MARCHF11: variants seen among roughly 807,000 people sequenced by gnomAD.
MARCHF11 encodes the protein membrane associated ring-CH-type finger 11.
Under a neutral mutation model 37.3 loss-of-function variants are expected in MARCHF11, and 29 were observed. That is an observed-to-expected ratio of 0.78 (90% CI 0.58 to 1.06). MARCHF11 has a LOEUF of 1.06. MARCHF11 is among the 50% of genes least tolerant of loss of function. The pLI is 0.00. For synonymous variants in MARCHF11, 233 were observed against 228.0 expected (o/e 1.02, Z -0.20); for missense variants, 482 against 533.4 (o/e 0.90, Z 0.95).
intron 2 of MARCHF11, among the ~76,000 whole-genome samples, chr5:16,113,134 A>G (rs753895307): frequency 1.3e-5 from 2 of 152,194 alleles, no homozygotes; most frequent in Admixed American, 1.3e-4. Context: ...CAAGAAATGC[A>G]TGATATATTC....
intron 3 of MARCHF11, among the ~76,000 whole-genome samples, chr5:16,083,522 G>A (rs1414389440): frequency 6.6e-6 from 1 of 152,110 alleles, no homozygotes; most frequent in Non-Finnish European, 1.5e-5. Context: ...GAACCTGTGT[G>A]GCAATGAACT....
chr5:16,114,671 T>TA (rs1308999542), intron 2 of MARCHF11, among the ~76,000 whole-genome samples: 1 of 151,786 alleles, frequency 6.6e-6, no homozygotes, highest in East Asian at 1.9e-4. Context: ...TTTTTTTTTT[T>TA]AAGAGATGAG....
intron 2 of MARCHF11, among the ~76,000 whole-genome samples, chr5:16,119,255 C>T (rs756636619): frequency 1.3e-5 from 2 of 151,634 alleles, no homozygotes; most frequent in Admixed American, 6.6e-5. Flanking sequence ...TGCACCTGCT[C>T]GGGAGGCTGA....
chr5:16,156,166 A>G (rs1737975260), intron 2 of MARCHF11, among the ~76,000 whole-genome samples: 1 of 151,918 alleles, frequency 6.6e-6, no homozygotes, highest in Admixed American at 6.6e-5. Flanking sequence ...TAAACTTAAT[A>G]ACTCTATAAT....
At chr5:16,083,286 A>G (rs1736643275) in intron 3 of MARCHF11, among the ~76,000 whole-genome samples, 2 of 152,164 alleles carry the variant, frequency 1.3e-5, no homozygotes, top group Admixed American at 1.3e-4. Context: ...GGAGACCAGG[A>G]AAGAGCTTAG....
At position 16,177,894 on chromosome 5, in the gene MARCHF11, C is replaced by A; in HGVS notation, c.538-13G>T. The A allele has an allele frequency of 6.2e-7, 1 of 1,601,274 alleles. No individual in the cohort carries two copies. The highest frequency in any genetic ancestry group is 8.5e-7 in the Non-Finnish European group (1 of 1,174,950). ...TCAACAACTCACCCTAAAAAGAAAA[C>A]AGCTCAGTGTGAATATCTGTGTCTG... On this transcript the variant is annotated splice_polypyrimidine_tract_variant and intron_variant, in intron 1 of 3. Coordinates refer to ENST00000332432, the MANE Select transcript of MARCHF11 (RefSeq NM_001102562.3).
intron 2 of MARCHF11, among the ~76,000 whole-genome samples, chr5:16,113,199 T>C (rs1202878170): frequency 6.6e-6 from 1 of 152,186 alleles, no homozygotes; most frequent in African/African-American, 2.4e-5. Context: ...CACCAGTAGA[T>C]GCCATGATCT....
intron 2 of MARCHF11, among the ~76,000 whole-genome samples, chr5:16,160,389 AATAT>A (rs1738054302): frequency 6.9e-6 from 1 of 145,282 alleles, no homozygotes; most frequent in African/African-American, 2.5e-5. Flanking sequence ...ATAATAATAT[AATAT>A]ATATTTATAT....
intron 2 of MARCHF11, among the ~76,000 whole-genome samples, chr5:16,101,899 G>A (rs1736964665): frequency 1.3e-5 from 2 of 152,216 alleles, no homozygotes; most frequent in East Asian, 3.9e-4. Flanking sequence ...AGGGACCATA[G>A]CATGAGGCAG....
chr5:16,118,211 C>T (rs924844412), intron 2 of MARCHF11, among the ~76,000 whole-genome samples: 4 of 152,228 alleles, frequency 2.6e-5, no homozygotes, highest in Admixed American at 2.6e-4. Flanking sequence ...AAGCAGTAAG[C>T]ATGGCCGAGT....
intron 2 of MARCHF11, among the ~76,000 whole-genome samples, chr5:16,136,190 G>T (rs1359942538): frequency 6.6e-6 from 1 of 151,622 alleles, no homozygotes; most frequent in Non-Finnish European, 1.5e-5. Flanking sequence ...CCCAGAAAAA[G>T]AAAACAGAAC....
intron 2 of MARCHF11, among the ~76,000 whole-genome samples, chr5:16,145,209 T>C (rs980032147): frequency 6.6e-6 from 1 of 152,192 alleles, no homozygotes; most frequent in East Asian, 1.9e-4. Context: ...TTGGCCAAGA[T>C]GCTATGGTTT....
chr5:16,108,662 C>T (rs1737086940), intron 2 of MARCHF11, among the ~76,000 whole-genome samples: 1 of 152,068 alleles, frequency 6.6e-6, no homozygotes, highest in Admixed American at 6.5e-5. Context: ...AGAGAGTAAA[C>T]AGGAAGCTGC....
chr5:16,179,387 C>T lies in MARCHF11; in HGVS notation c.189G>A (p.Ala63=). 2 of 1,153,108 alleles carry T rather than the reference C, an allele frequency of 1.7e-6. No individual in the cohort carries two copies. Among genetic ancestry groups the T allele is most frequent in the South Asian group, 8.5e-5 (2 of 23,640 alleles). The allele number at this position is 1,153,108 out of a possible 1,614,324, so 71.4% of individuals were successfully genotyped here. A position where few individuals can be genotyped will look rare whatever the true frequency, so the allele number is the denominator to read the frequency against. ...PASPETPERA[A]GPSEPLGEVA... ...CCTCCCCTAGCGGCTCGCTTGGCCC[C>T]GCGGCGCGCTCGGGGGTCTCGGGGG... is the stretch of plus-strand genomic sequence containing the variant. Residue 63 remains alanine, a synonymous_variant, in exon 1 of 4, where the codon GCG becomes GCA. Coordinates refer to ENST00000332432, the MANE Select transcript of MARCHF11 (RefSeq NM_001102562.3).
intron 2 of MARCHF11, among the ~76,000 whole-genome samples, chr5:16,168,112 T>C (rs1161621502): frequency 2.0e-5 from 3 of 152,078 alleles, no homozygotes; most frequent in South Asian, 2.1e-4. Flanking sequence ...CAAGGGATGG[T>C]TGGTGTTTTT....
At chr5:16,134,569 T>C (rs1737575592) in intron 2 of MARCHF11, among the ~76,000 whole-genome samples, 1 of 152,196 alleles carries the variant, frequency 6.6e-6, no homozygotes, top group African/African-American at 2.4e-5. Flanking sequence ...CTGCATTATA[T>C]AGCTATACAT....
intron 2 of MARCHF11, among the ~76,000 whole-genome samples, chr5:16,095,056 G>A (rs1166004909): frequency 6.6e-6 from 1 of 152,148 alleles, no homozygotes; most frequent in Non-Finnish European, 1.5e-5. Context: ...CTGGCTTCCA[G>A]GTTCATGCTT....
At chr5:16,108,935 T>C (rs1204692019) in intron 2 of MARCHF11, among the ~76,000 whole-genome samples, 5 of 152,036 alleles carry the variant, frequency 3.3e-5, no homozygotes, top group Non-Finnish European at 7.4e-5. Flanking sequence ...ATGGCCAAGG[T>C]CACAACCTTG....
chr5:16,139,733 A>G (rs1206433403), intron 2 of MARCHF11, among the ~76,000 whole-genome samples: 1 of 152,186 alleles, frequency 6.6e-6, no homozygotes, highest in East Asian at 1.9e-4. Context: ...ATCTATCCGA[A>G]CTACAAAAGT....
Sources: allele counts gnomAD v4.1 joint callset (sites outside exome capture counted in the v4.1 genomes callset), GRCh38; gene constraint gnomAD v4.1.1; transcripts MANE v1.5; gene names NCBI Gene and HGNC (gene_info 2026-07-23, HGNC 2026-07-21).